UBE2N: variants seen among roughly 807,000 people sequenced by gnomAD.
UBE2N encodes ubiquitin-conjugating enzyme E2 N.
For missense variants in UBE2N, 60 were observed against 192.1 expected (o/e 0.31, Z 4.07); for synonymous variants, 70 against 69.2 (o/e 1.01, Z -0.06).
At chr12:93,411,909 C>T (rs1365073444) in intron 1 of UBE2N, among the ~76,000 whole-genome samples, 1 of 152,104 alleles carries the variant, frequency 6.6e-6, no homozygotes, top group Non-Finnish European at 1.5e-5. Flanking sequence ...CCAGGCTGGT[C>T]TTGAACTCCT....
At position 93,436,794 on chromosome 12, in the gene UBE2N, C is replaced by T. The variant is rs187524999; in HGVS notation, c.30+5061G>A. Among the ~76,000 whole-genome samples, 276 of 152,138 alleles carry T rather than the reference C, an allele frequency of 1.8e-3. 2 individuals are homozygous for T. Among genetic ancestry groups the T allele is most frequent in the African/African-American group, 6.5e-3 (269 of 41,484 alleles). ...TTTTATTGGCTAAAAGAGCTTTGGT[C>T]CAGAAGATAAGGCAGAAAAACGAAA... On this transcript the variant is annotated intron_variant, in intron 1 of 3. Transcript: ENST00000318066.
At chr12:93,410,370 A>G in intron 3 of UBE2N, 1 of 492,246 alleles carries the variant, frequency 2.0e-6, no homozygotes, top group Non-Finnish European at 3.6e-6. Flanking sequence ...CTGTAGCAGA[A>G]GCTTCTTGAC....
At chr12:93,412,502 A>G (rs1878058048) in intron 1 of UBE2N, among the ~76,000 whole-genome samples, 1 of 152,268 alleles carries the variant, frequency 6.6e-6, no homozygotes, top group Non-Finnish European at 1.5e-5. Flanking sequence ...TAGCACTTGA[A>G]CATAAATTTA....
chr12:93,411,435 ATGC>A, intron 1 of UBE2N, 136 bp from the exon 2 acceptor site: 4 of 1,274,048 alleles, frequency 3.1e-6, no homozygotes, highest in African/African-American at 1.5e-5. Flanking sequence ...AGCTTATAAA[ATGC>A]AAAATTCAAA....
rs567267964 is a variant in UBE2N, at chr12:93,426,306, G to A, written c.31-15007C>T. On this transcript the variant is annotated intron_variant, in intron 1 of 3. Transcript: ENST00000318066. ...ACAGCTTGAGTCTCCGAAAGAATGCGACAATACATTCAAAGAACATAAATG... is the reference window on the plus strand; with the variant it reads ...ACAGCTTGAGTCTCCGAAAGAATGCAACAATACATTCAAAGAACATAAATG... Among the ~76,000 whole-genome samples, 9 of 142,510 alleles carry A rather than the reference G, an allele frequency of 6.3e-5. No individual in the cohort carries two copies. The East Asian group carries it at 1.2e-3, about 19-fold the overall frequency. The allele number at this position is 142,510 out of a possible 152,430, so 93.5% of individuals were successfully genotyped here.
Position 93,411,322 on chromosome 12 carries a change from T to A in UBE2N, c.31-23A>T. On this transcript the variant is annotated intron_variant, in intron 1 of 3. Coordinates refer to ENST00000318066, the MANE Select transcript of UBE2N (RefSeq NM_003348.4). ...TTCCTATGACAGAAAAACAAACACATTTGTGAAACAAATGTCATTTTGCTA... is the reference window on the plus strand; with the variant it reads ...TTCCTATGACAGAAAAACAAACACAATTGTGAAACAAATGTCATTTTGCTA... 2.5e-6 allele frequency: 4 copies of A among 1,568,774 alleles called. 1 individual carries two copies. The highest frequency in any genetic ancestry group is 2.4e-5 in the South Asian group (2 of 84,358).
intron 1 of UBE2N, among the ~76,000 whole-genome samples, chr12:93,427,453 A>G (rs1382331999): frequency 6.6e-6 from 1 of 152,274 alleles, no homozygotes; most frequent in Non-Finnish European, 1.5e-5. Flanking sequence ...TACATGCTAC[A>G]ATATACATGA....
chr12:93,435,189 T>C (rs749052086), intron 1 of UBE2N, among the ~76,000 whole-genome samples: 7 of 151,942 alleles, frequency 4.6e-5, no homozygotes, highest in African/African-American at 1.2e-4. Context: ...AAACAACAGA[T>C]AGGACAGGCG....
intron 1 of UBE2N, among the ~76,000 whole-genome samples, chr12:93,421,367 A>G (rs1878406012): frequency 6.6e-6 from 1 of 151,998 alleles, no homozygotes; most frequent in Non-Finnish European, 1.5e-5. Flanking sequence ...TCGCCCAGCT[A>G]AATTTTTTGT....
At chr12:93,430,730 T>C (rs1356555299) in intron 1 of UBE2N, among the ~76,000 whole-genome samples, 5 of 150,388 alleles carry the variant, frequency 3.3e-5, no homozygotes, top group Admixed American at 6.7e-5. Context: ...CTGAGCAACA[T>C]AGGGAGACCC....
At chr12:93,412,570 T>A (rs540701489) in intron 1 of UBE2N, among the ~76,000 whole-genome samples, 2 of 152,232 alleles carry the variant, frequency 1.3e-5, no homozygotes, top group African/African-American at 4.8e-5. Flanking sequence ...GCCAGGAGTT[T>A]TGCCACAAGA....
At chr12:93,430,504 T>C (rs1878730393) in intron 1 of UBE2N, among the ~76,000 whole-genome samples, 1 of 152,000 alleles carries the variant, frequency 6.6e-6, no homozygotes, top group Admixed American at 6.6e-5. Context: ...GAAAAGAATA[T>C]GCCATCCAGA....
chr12:93,440,109 T>C lies in UBE2N; in HGVS notation c.30+1746A>G, dbSNP rs536420714. On this transcript the variant is annotated intron_variant, in intron 1 of 3. Transcript: ENST00000318066. The stretch of plus-strand genomic sequence containing the variant: ...AATGCGTGTTAAATGTTTAGTTCAC[T>C]ATGTATTTCAGAGAATTATCATGAA... Among the ~76,000 whole-genome samples, 90 of 152,374 alleles carry C rather than the reference T, an allele frequency of 5.9e-4. 1 individual carries two copies. Among genetic ancestry groups the C allele is most frequent in the Non-Finnish European group, 2.4e-4 (16 of 68,036 alleles).
At chr12:93,422,748 T>C (rs1246566064) in intron 1 of UBE2N, among the ~76,000 whole-genome samples, 2 of 152,184 alleles carry the variant, frequency 1.3e-5, no homozygotes, top group African/African-American at 2.4e-5. Flanking sequence ...AAATTTTACT[T>C]GTTTTTTTCA....
At chr12:93,419,910 T>G (rs1406353619) in intron 1 of UBE2N, among the ~76,000 whole-genome samples, 2 of 152,212 alleles carry the variant, frequency 1.3e-5, no homozygotes, top group African/African-American at 4.8e-5. Context: ...TCACCTCTTG[T>G]GCCTATCTTG....
chr12:93,427,741 G>A (rs1878638323), intron 1 of UBE2N, among the ~76,000 whole-genome samples: 1 of 152,110 alleles, frequency 6.6e-6, no homozygotes, highest in Admixed American at 6.5e-5. Context: ...GAATTTTATG[G>A]TATGAGAATT....
chr12:93,433,564 G>A (rs1418214739), intron 1 of UBE2N, among the ~76,000 whole-genome samples: 1 of 152,006 alleles, frequency 6.6e-6, no homozygotes, highest in East Asian at 1.9e-4. Flanking sequence ...CTCGTTTTTC[G>A]CATACACACA....
chr12:93,410,685 C>G (rs929267088), intron 3 of UBE2N, 49 bp downstream of exon 3: 13 of 1,607,294 alleles, frequency 8.1e-6, no homozygotes, highest in Non-Finnish European at 1.1e-5. Flanking sequence ...AGTGGTAATA[C>G]AAATTTGTAA....
rs1047706321 is a variant in UBE2N at position 93,405,807 on chromosome 12, T to C, written c.*4232A>G. The C allele has an allele frequency of 6.6e-6, 1 of 152,232 alleles. No homozygotes were observed. The highest frequency in any genetic ancestry group is 1.5e-5 in the Non-Finnish European group (1 of 68,038). 9.4% of individuals were successfully genotyped at this position (152,232 alleles called of 1,614,324 possible). On this transcript the variant is annotated 3_prime_UTR_variant, in exon 4 of 4. Coordinates refer to ENST00000318066, the MANE Select transcript of UBE2N (RefSeq NM_003348.4). ...ATATAATTCCCTAAGATGGGTGGCA[T>C]GCCAAGTAGCTAAATGAAATATCAT...
Sources: allele counts gnomAD v4.1 joint callset (sites outside exome capture counted in the v4.1 genomes callset), GRCh38; gene constraint gnomAD v4.1.1; transcripts MANE v1.5; gene names NCBI Gene and HGNC (gene_info 2026-07-23, HGNC 2026-07-21).